Variants in ARHGAP10 observed in about 807,000 individuals in gnomAD.
The protein encoded by ARHGAP10 is rho GTPase-activating protein 10.
A neutral mutation model predicts 108.6 loss-of-function variants in ARHGAP10; 87 were observed. The ratio of observed to expected loss-of-function variants is 0.80; its 90% CI spans 0.67 to 0.96. The LOEUF (loss-of-function observed/expected upper bound fraction) is 0.96, where lower values mean the gene tolerates loss of function less well. Ranked by LOEUF, ARHGAP10 falls within the 40% of genes least tolerant of loss-of-function variation. The probability of loss-of-function intolerance (pLI) is 0.00; values close to 1 mark genes in which losing one functional copy is unlikely to be tolerated. For synonymous variants in ARHGAP10, 347 were observed against 341.1 expected, an observed-to-expected ratio of 1.02 and a Z score of -0.19; for missense variants, 939 against 954.5, an observed-to-expected ratio of 0.98 and a Z score of 0.21.
chr4:147,837,133 A>G (rs935898177), intron 3 of ARHGAP10, among the ~76,000 whole-genome samples: 1 of 152,032 alleles, frequency 6.6e-6, no homozygotes, highest in South Asian at 2.1e-4. Flanking sequence ...TAATCTTTCT[A>G]TTTAAACTTG....
At chr4:147,840,808 T>A (rs1733381915) in intron 3 of ARHGAP10, among the ~76,000 whole-genome samples, 1 of 152,240 alleles carries the variant, frequency 6.6e-6, no homozygotes, top group Admixed American at 6.5e-5. Context: ...GAGAGCTCCT[T>A]GAACTGTGAT....
At chr4:147,754,910 A>G (rs1244062463) in intron 1 of ARHGAP10, among the ~76,000 whole-genome samples, 2 of 152,114 alleles carry the variant, frequency 1.3e-5, no homozygotes, top group Non-Finnish European at 2.9e-5. Context: ...CCTGACCAAC[A>G]TGGTGAAACC....
Position 147,895,126 on chromosome 4 carries a change from T to C in ARHGAP10, c.1035-11512T>C, listed in dbSNP as rs1735936917. 3.9e-5 allele frequency among the ~76,000 whole-genome samples: 6 copies of C among 152,288 alleles called. No individual in the cohort carries two copies. The South Asian group carries it at 1.2e-3, about 32-fold the overall frequency. On this transcript the variant is annotated intron_variant, in intron 10 of 22. Coordinates refer to ENST00000336498, the MANE Select transcript of ARHGAP10 (RefSeq NM_024605.4). ...TATTTAGACTTTCCATTTATCCCAGTAATGTTTTACAGTTTTCAGCATAGA... is the reference window on the plus strand; with the variant it reads ...TATTTAGACTTTCCATTTATCCCAGCAATGTTTTACAGTTTTCAGCATAGA...
chr4:148,052,670 C>G (rs1729198193), intron 20 of ARHGAP10, among the ~76,000 whole-genome samples: 1 of 152,092 alleles, frequency 6.6e-6, no homozygotes, highest in East Asian at 1.9e-4. Context: ...CTAGTGCCTT[C>G]TTGTGGAAGG....
At chr4:147,939,196 A>G (rs1336708724) in intron 13 of ARHGAP10, among the ~76,000 whole-genome samples, 1 of 152,116 alleles carries the variant, frequency 6.6e-6, no homozygotes, top group Non-Finnish European at 1.5e-5. Context: ...TTGACAATAC[A>G]TTTTCTTTTA....
chr4:147,772,539 C>G (rs1037999295), intron 1 of ARHGAP10, among the ~76,000 whole-genome samples: 1 of 152,232 alleles, frequency 6.6e-6, no homozygotes, highest in Non-Finnish European at 1.5e-5. Context: ...AGGCCTGTGC[C>G]TTGTGGCGAG....
chr4:147,812,583 C>A (rs143729542), intron 1 of ARHGAP10, among the ~76,000 whole-genome samples: 2 of 152,176 alleles, frequency 1.3e-5, no homozygotes, highest in Non-Finnish European at 2.9e-5. Context: ...CCCATAAAGC[C>A]TTTTCCCCAC....
chr4:147,992,001 G>T (rs914847080), intron 18 of ARHGAP10, among the ~76,000 whole-genome samples: 1 of 152,214 alleles, frequency 6.6e-6, no homozygotes, highest in African/African-American at 2.4e-5. Context: ...ATTAACTTCA[G>T]TGTGGAGCCT....
chr4:148,031,150 A>T (rs995521260), intron 19 of ARHGAP10, among the ~76,000 whole-genome samples: 5 of 152,212 alleles, frequency 3.3e-5, no homozygotes, highest in Admixed American at 6.5e-5. Flanking sequence ...TTGAGCATGA[A>T]ATGTGCTTAT....
At chr4:147,897,301 C>T (rs922565520) in intron 10 of ARHGAP10, among the ~76,000 whole-genome samples, 1 of 151,496 alleles carries the variant, frequency 6.6e-6, no homozygotes, top group African/African-American at 2.4e-5. Context: ...TGGGGTTTTG[C>T]TATGTTGCCC....
intron 10 of ARHGAP10, among the ~76,000 whole-genome samples, chr4:147,890,522 C>T (rs1268343838): frequency 6.6e-6 from 1 of 152,122 alleles, no homozygotes; most frequent in Non-Finnish European, 1.5e-5. Flanking sequence ...AGACATTTCT[C>T]CAAAGAAAAT....
chr4:147,784,719 A>AATATAAAATATATATTATAAAT (rs1560756645), intron 1 of ARHGAP10, among the ~76,000 whole-genome samples: 1 of 46,540 alleles, frequency 2.1e-5, no homozygotes, highest in African/African-American at 6.3e-5. Flanking sequence ...TTATAAATAT[A>AATATAAAATATATATTATAAAT]ATATATTATA....
At chr4:147,939,284 C>T (rs1266672743) in intron 13 of ARHGAP10, among the ~76,000 whole-genome samples, 1 of 152,076 alleles carries the variant, frequency 6.6e-6, no homozygotes, top group Non-Finnish European at 1.5e-5. Flanking sequence ...GTTCATTTTG[C>T]AGTATACTTT....
chr4:147,901,304 G>C (rs1198757627), intron 10 of ARHGAP10, among the ~76,000 whole-genome samples: 1 of 152,234 alleles, frequency 6.6e-6, no homozygotes, highest in African/African-American at 2.4e-5. Context: ...AATATGAGCA[G>C]TCTTTGTGAG....
At chr4:147,879,463 A>C (rs1735237010) in intron 9 of ARHGAP10, 125 bp downstream of exon 9, 5 of 830,622 alleles carry the variant, frequency 6.0e-6, no homozygotes, top group Non-Finnish European at 8.8e-6. Flanking sequence ...GTTAGTATTA[A>C]AATCTTTGTT....
At chr4:148,017,020 T>C (rs1031818048) in intron 18 of ARHGAP10, among the ~76,000 whole-genome samples, 2 of 142,804 alleles carry the variant, frequency 1.4e-5, no homozygotes, top group African/African-American at 5.2e-5. Flanking sequence ...CTGGGCGTGG[T>C]GGTACATGCC....
At chr4:147,893,442 T>C (rs113091312) in intron 10 of ARHGAP10, among the ~76,000 whole-genome samples, 6,619 of 147,364 alleles carry the variant, frequency 0.045, 504 homozygotes, top group African/African-American at 0.15. Context: ...TCAATATATA[T>C]ATTATTATTC....
Position 147,742,156 on chromosome 4 carries a change from TA to T in ARHGAP10, c.154+9712del, listed in dbSNP as rs539847299. ...GAATACAGGATGTGGAATGGTCTCT[TA>T]AAAAAAAAAATGAGTGCTTTCTTTT... On this transcript the variant is annotated intron_variant, in intron 1 of 22. Coordinates refer to ENST00000336498, the MANE Select transcript of ARHGAP10 (RefSeq NM_024605.4). Among the ~76,000 whole-genome samples the T allele has an allele frequency of 2.9e-3, 419 of 146,730 alleles. 1 individual carries two copies. The highest frequency in any genetic ancestry group is 7.7e-3 in the African/African-American group (310 of 40,286).
chr4:147,756,872 G>A (rs753717383), intron 1 of ARHGAP10, among the ~76,000 whole-genome samples: 1 of 151,556 alleles, frequency 6.6e-6, no homozygotes. Context: ...AACACAGAAG[G>A]TTGTGTAATT....
Sources: gnomAD v4.1 joint callset for allele counts (sites outside exome capture counted in the v4.1 genomes callset) on GRCh38, gnomAD v4.1.1 for gene constraint, MANE v1.5 for transcripts, NCBI Gene and HGNC (gene_info 2026-07-23, HGNC 2026-07-21) for gene names.